CGAS: variants seen among roughly 807,000 people sequenced by gnomAD.
CGAS encodes cyclic GMP-AMP synthase.
Under a neutral mutation model 34.0 loss-of-function variants are expected in CGAS, and 31 were observed. The observed-to-expected ratio is 0.91, with a 90% CI of 0.69 to 1.23. The LOEUF is 1.23. CGAS is among the 50% of genes most tolerant of loss of function. The pLI is 0.00. For missense variants in CGAS, 597 were observed against 657.6 expected (o/e 0.91, Z 1.01); for synonymous variants, 266 against 260.0 (o/e 1.02, Z -0.22).
At chr6:73,427,740 G>A (rs533495333) in intron 4 of CGAS, among the ~76,000 whole-genome samples, 7 of 152,262 alleles carry the variant, frequency 4.6e-5, no homozygotes, top group South Asian at 2.1e-4. Flanking sequence ...AGGCCAAGGC[G>A]GGAAGTTTAC....
At chr6:73,428,125 G>C (rs1021453491) in intron 4 of CGAS, among the ~76,000 whole-genome samples, 1 of 151,850 alleles carries the variant, frequency 6.6e-6, no homozygotes. Flanking sequence ...TTGGGGGGCT[G>C]AGGTAGGATG....
chr6:73,441,200 T>C (rs1770374858), intron 2 of CGAS, among the ~76,000 whole-genome samples: 3 of 151,766 alleles, frequency 2.0e-5, no homozygotes, highest in Admixed American at 2.0e-4. Flanking sequence ...TTGATCCTCC[T>C]GCCTCAGCTT....
chr6:73,432,965 T>A, intron 3 of CGAS, among the ~76,000 whole-genome samples: 1 of 151,980 alleles, frequency 6.6e-6, no homozygotes, highest in East Asian at 1.9e-4. Context: ...GCACCTGTAA[T>A]CCCAGCTACT....
At chr6:73,429,116 G>A (rs915434591) in intron 3 of CGAS, among the ~76,000 whole-genome samples, 1 of 151,732 alleles carries the variant, frequency 6.6e-6, no homozygotes, top group Non-Finnish European at 1.5e-5. Context: ...CTTGAACCTG[G>A]GAGGTGGAGG....
chr6:73,426,865 T>G (rs1225810175), intron 4 of CGAS, among the ~76,000 whole-genome samples: 1 of 151,960 alleles, frequency 6.6e-6, no homozygotes, highest in Non-Finnish European at 1.5e-5. Context: ...TTTCCTTTTT[T>G]TTTGAGATGG....
chr6:73,431,155 C>T (rs1392880310), intron 3 of CGAS, among the ~76,000 whole-genome samples: 1 of 151,456 alleles, frequency 6.6e-6, no homozygotes, highest in Non-Finnish European at 1.5e-5. Context: ...CAACAGTTAC[C>T]TTCTAGATCT....
In CGAS at chr6:73,445,765, T is replaced by C. The variant is rs762252666; in HGVS notation, c.658-18A>G. 11 of 1,542,322 alleles carry C rather than the reference T, an allele frequency of 7.1e-6. No individual in the cohort carries two copies. Among genetic ancestry groups the C allele is most frequent in the South Asian group, 2.4e-5 (2 of 84,064 alleles). The stretch of plus-strand genomic sequence containing the variant: ...GCAGAAATCTAAGAAACAGTAAAAA[T>C]AGTACTGAAATATTTGCTTATGAAT... On this transcript the variant is annotated intron_variant, in intron 1 of 4. Coordinates refer to ENST00000370315, the MANE Select transcript of CGAS (RefSeq NM_138441.3).
At chr6:73,442,646 TGGAGTGCA>T (rs1218521449) in intron 2 of CGAS, among the ~76,000 whole-genome samples, 1 of 149,680 alleles carries the variant, frequency 6.7e-6, no homozygotes, top group African/African-American at 2.5e-5. Context: ...TCGCTCAGGC[TGGAGTGCA>T]GTGGCGCAAT....
chr6:73,437,616 G>C (rs1770300677), intron 3 of CGAS, among the ~76,000 whole-genome samples: 1 of 151,996 alleles, frequency 6.6e-6, no homozygotes, highest in Non-Finnish European at 1.5e-5. Flanking sequence ...ACATTTTTTT[G>C]AGTGGGTTAA....
chr6:73,446,380 G>T lies in CGAS; in HGVS notation c.658-633C>A, dbSNP rs1361422885. Among the ~76,000 whole-genome samples, 28 of 149,630 alleles carry T rather than the reference G, an allele frequency of 1.9e-4. 1 individual carries two copies. In the East Asian group the frequency reaches 4.8e-3, roughly 26 times the overall value. On this transcript the variant is annotated intron_variant, in intron 1 of 4. Transcript: ENST00000370315. ...GTATGATATGTGGTAGGGAATCAAG[G>T]TTCATGTTTTTCCTACATAGATATC...
chr6:73,431,403 G>A (rs1004157481), intron 3 of CGAS, among the ~76,000 whole-genome samples: 3 of 151,662 alleles, frequency 2.0e-5, no homozygotes, highest in Non-Finnish European at 4.4e-5. Context: ...CCTGGGAGGC[G>A]CAGGTTGCAG....
chr6:73,429,874 G>T (rs1770164562), intron 3 of CGAS, among the ~76,000 whole-genome samples: 1 of 151,922 alleles, frequency 6.6e-6, no homozygotes, highest in South Asian at 2.1e-4. Flanking sequence ...GCTCTTTTAT[G>T]CTCTGACCAC....
At chr6:73,448,021 C>T (rs1372444964) in intron 1 of CGAS, among the ~76,000 whole-genome samples, 2 of 152,146 alleles carry the variant, frequency 1.3e-5, no homozygotes, top group African/African-American at 4.8e-5. Flanking sequence ...TGTTGTTCAA[C>T]ATTATTTATG....
chr6:73,450,799 T>C (rs1388431218), intron 1 of CGAS, among the ~76,000 whole-genome samples: 3 of 151,790 alleles, frequency 2.0e-5, no homozygotes, highest in Non-Finnish European at 2.9e-5. Flanking sequence ...CCATCCTGGC[T>C]AACACGGTGA....
intron 4 of CGAS, among the ~76,000 whole-genome samples, chr6:73,427,266 CTGGCCAACTTACTTTATTTA>C (rs1386148991): frequency 6.7e-6 from 1 of 148,624 alleles, no homozygotes; most frequent in African/African-American, 2.5e-5. Flanking sequence ...GATCTTTATA[CTGGCCAACTTACTTTATTTA>C]TTTATTTATT....
At chr6:73,438,284 A>G (rs1047488415) in intron 3 of CGAS, among the ~76,000 whole-genome samples, 1 of 152,164 alleles carries the variant, frequency 6.6e-6, no homozygotes, top group African/African-American at 2.4e-5. Flanking sequence ...TTGTCTAATT[A>G]TACATAATCT....
chr6:73,445,035 T>G (rs1327247758), intron 2 of CGAS, among the ~76,000 whole-genome samples: 1 of 152,112 alleles, frequency 6.6e-6, no homozygotes, highest in Non-Finnish European at 1.5e-5. Flanking sequence ...TAGATTCCTG[T>G]GGTACATCAA....
At chr6:73,450,097 G>GAGAGA (rs149585527) in intron 1 of CGAS, among the ~76,000 whole-genome samples, 61,152 of 149,750 alleles carry the variant, frequency 0.41, 12,845 homozygotes, top group South Asian at 0.5. Context: ...CAGAGAGATA[G>GAGAGA]AGAGAAGAGA....
intron 2 of CGAS, among the ~76,000 whole-genome samples, chr6:73,443,517 C>G (rs967857355): frequency 6.6e-6 from 1 of 152,072 alleles, no homozygotes; most frequent in Non-Finnish European, 1.5e-5. Context: ...GGATTACAGG[C>G]GTGAGCCACG....
Sources: allele counts gnomAD v4.1 joint callset (sites outside exome capture counted in the v4.1 genomes callset), GRCh38; gene constraint gnomAD v4.1.1; transcripts MANE v1.5; gene names NCBI Gene and HGNC (gene_info 2026-07-23, HGNC 2026-07-21).